Variants in TTLL7 observed in about 807,000 individuals in gnomAD.
TTLL7 encodes tubulin polyglutamylase TTLL7.
TTLL7 carries 53 observed loss-of-function variants against 120.2 expected under a neutral mutation model. The observed-to-expected ratio is 0.44, with a 90% CI of 0.35 to 0.55. The LOEUF (loss-of-function observed/expected upper bound fraction) is 0.55, where lower values mean the gene tolerates loss of function less well. TTLL7 is among the 20% of genes least tolerant of loss of function. TTLL7 has a pLI of 0.00. For synonymous variants in TTLL7, 353 were observed against 351.7 expected (o/e 1.00, Z -0.04); for missense variants, 803 against 1,054.7 (o/e 0.76, Z 3.31).
intron 1 of TTLL7, among the ~76,000 whole-genome samples, chr1:83,995,852 A>G (rs532715533): frequency 6.6e-6 from 1 of 152,314 alleles, no homozygotes; most frequent in African/African-American, 2.4e-5. Flanking sequence ...GTTTATTATG[A>G]TGTCATCAAT....
intron 8 of TTLL7, among the ~76,000 whole-genome samples, 156 bp from the exon 9 acceptor site, chr1:83,933,922 C>T (rs1393309997): frequency 1.3e-5 from 2 of 152,168 alleles, no homozygotes; most frequent in African/African-American, 4.8e-5. Context: ...TTCACTCTTA[C>T]CCCTGCCCAC....
chr1:83,998,396 C>T (rs987781683), intron 1 of TTLL7, among the ~76,000 whole-genome samples: 1 of 152,052 alleles, frequency 6.6e-6, no homozygotes, highest in African/African-American at 2.4e-5. Flanking sequence ...GTCGAGGGAA[C>T]GCTGCGATGT....
chr1:83,992,079 C>T (rs995972016), intron 1 of TTLL7, among the ~76,000 whole-genome samples: 2 of 152,022 alleles, frequency 1.3e-5, no homozygotes, highest in African/African-American at 2.4e-5. Flanking sequence ...AAAGAAAATG[C>T]CTCTTATTCT....
chr1:83,996,173 T>G (rs1653461960), intron 1 of TTLL7, among the ~76,000 whole-genome samples: 1 of 152,240 alleles, frequency 6.6e-6, no homozygotes, highest in Admixed American at 6.5e-5. Flanking sequence ...TGTTCATAAT[T>G]ATCTAATGGG....
In TTLL7 at chr1:83,951,981, A is replaced by T. The variant is rs375632419; in HGVS notation, c.26-5T>A. ...GGGGAGAGGGTCCCTGAATAACTTT[A>T]AAAAAATGTAAAATAATCAGATAAC... On this transcript the variant is annotated splice_polypyrimidine_tract_variant and splice_region_variant and intron_variant, in intron 2 of 20. Transcript: ENST00000260505. 2.6e-5 allele frequency: 41 copies of T among 1,597,758 alleles called. No individual in the cohort carries two copies. Among genetic ancestry groups the T allele is most frequent in the Admixed American group, 1.1e-4 (6 of 56,160 alleles).
intron 14 of TTLL7, chr1:83,912,940 A>C (rs916753125): frequency 3.3e-5 from 5 of 152,330 alleles, no homozygotes; most frequent in South Asian, 4.1e-4. Flanking sequence ...TACCCAGAAG[A>C]AAGAGTGGCA....
chr1:83,926,684 T>C (rs1659162213), intron 10 of TTLL7, among the ~76,000 whole-genome samples: 1 of 152,186 alleles, frequency 6.6e-6, no homozygotes, highest in African/African-American at 2.4e-5. Context: ...TAGCATTAAA[T>C]GCTCATGCTG....
At chr1:83,892,766 G>GCGCATATGTGAACACATATATGAA in intron 18 of TTLL7, among the ~76,000 whole-genome samples, 1 of 29,310 alleles carries the variant, frequency 3.4e-5, no homozygotes, top group South Asian at 1.3e-3. Context: ...ATATATATGA[G>GCGCATATGTGAACACATATATGAA]CGCATATGTG....
At chr1:83,880,650 T>C (rs1228655769) in intron 20 of TTLL7, among the ~76,000 whole-genome samples, 1 of 152,152 alleles carries the variant, frequency 6.6e-6, no homozygotes, top group South Asian at 2.1e-4. Flanking sequence ...CTATCCTGAA[T>C]AGTACTACAA....
Position 83,896,836 on chromosome 1 carries a change from G to A in TTLL7, c.2209-6355C>T, listed in dbSNP as rs183592664. On this transcript the variant is annotated intron_variant, in intron 18 of 20. Transcript: ENST00000260505. Reference sequence around the variant, plus strand: ...GTTTAGGTATCACATCAGATAATAAGCTTTTCAGCAAATCTGGCATTCTTT... The same window carrying A: ...GTTTAGGTATCACATCAGATAATAAACTTTTCAGCAAATCTGGCATTCTTT... 5.3e-5 allele frequency among the ~76,000 whole-genome samples: 8 copies of A among 152,136 alleles called. No individual in the cohort carries two copies. The East Asian group carries it at 1.6e-3, about 30-fold the overall frequency.
At chr1:83,895,391 T>C (rs1021874462) in intron 18 of TTLL7, among the ~76,000 whole-genome samples, 1 of 152,080 alleles carries the variant, frequency 6.6e-6, no homozygotes, top group Non-Finnish European at 1.5e-5. Context: ...CTTTTACATA[T>C]ATTAACTCAT....
intron 1 of TTLL7, among the ~76,000 whole-genome samples, chr1:83,982,780 T>A (rs1335896959): frequency 6.6e-6 from 1 of 152,026 alleles, no homozygotes; most frequent in Non-Finnish European, 1.5e-5. Flanking sequence ...ATGTTATTTT[T>A]CACAGAAGTA....
chr1:83,972,551 A>T (rs867747926), intron 1 of TTLL7, among the ~76,000 whole-genome samples: 142 of 152,192 alleles, frequency 9.3e-4, no homozygotes, highest in African/African-American at 3.3e-3. Flanking sequence ...AGCTGCTATA[A>T]ACATCCATAT....
Position 83,865,293 on chromosome 1 carries a change from T to C in TTLL7, c.*4669A>G, listed in dbSNP as rs1652843126. The C allele has an allele frequency of 6.6e-6, 1 of 152,026 alleles. No homozygotes were observed. Among genetic ancestry groups the C allele is most frequent in the African/African-American group, 2.4e-5 (1 of 41,422 alleles). The allele number at this position is 152,026 out of a possible 1,614,324, so 9.4% of individuals were successfully genotyped here. On this transcript the variant is annotated 3_prime_UTR_variant, in exon 21 of 21. Transcript: ENST00000260505. ...AGAATCTGCAGCAAAACCATTAATA[T>C]TCAGATGTTGTAGCATGTACAGTAG...
rs995514410 is a variant in TTLL7, at chr1:83,888,713, G to GT, written c.2369+1607dup. ...TTTTAAGAGATCTGAAAAACAATGA[G>GT]TTTTTTCTGGAGCACAATTCAAGTA... is the stretch of plus-strand genomic sequence containing the variant. On this transcript the variant is annotated intron_variant, in intron 19 of 20. Transcript: ENST00000260505. 3.9e-5 allele frequency among the ~76,000 whole-genome samples: 6 copies of GT among 151,970 alleles called. No individual in the cohort carries two copies. In the East Asian group the frequency reaches 7.8e-4, roughly 20 times the overall value.
chr1:83,990,034 C>T (rs1405489680), intron 1 of TTLL7, among the ~76,000 whole-genome samples: 2 of 151,982 alleles, frequency 1.3e-5, no homozygotes, highest in East Asian at 1.9e-4. Flanking sequence ...GGTTTTTGTG[C>T]ATTGGTCTTT....
At position 83,866,072 on chromosome 1, in the gene TTLL7, ATAC is replaced by A. The variant is rs1652895733; in HGVS notation, c.*3887_*3889del. 1 of 151,920 alleles carries A rather than the reference ATAC, an allele frequency of 6.6e-6. No homozygotes were observed. The highest frequency in any genetic ancestry group is 1.5e-5 in the Non-Finnish European group (1 of 67,790). 9.4% of individuals were successfully genotyped at this position (151,920 alleles called of 1,614,324 possible). The stretch of plus-strand genomic sequence containing the variant: ...CAAGAACACAATTAATTGTACAGTT[ATAC>A]ATTTTATTTAACCCCTATGACCATG... On this transcript the variant is annotated 3_prime_UTR_variant, in exon 21 of 21. Transcript: ENST00000260505.
chr1:83,894,790 G>A (rs977147771), intron 18 of TTLL7, among the ~76,000 whole-genome samples: 1 of 152,052 alleles, frequency 6.6e-6, no homozygotes, highest in Admixed American at 6.6e-5. Flanking sequence ...GGGCAAACTA[G>A]GCACATTCTC....
intron 1 of TTLL7, among the ~76,000 whole-genome samples, chr1:83,953,742 T>C (rs886125687): frequency 2.2e-4 from 34 of 152,148 alleles, no homozygotes; most frequent in African/African-American, 6.8e-4. Flanking sequence ...GGCTTAGAAA[T>C]AGAAAACTTA....
Sources: gnomAD v4.1 joint callset for allele counts (sites outside exome capture counted in the v4.1 genomes callset) on GRCh38, gnomAD v4.1.1 for gene constraint, MANE v1.5 for transcripts, NCBI Gene and HGNC (gene_info 2026-07-23, HGNC 2026-07-21) for gene names.